The following UNC13C variants were observed in gnomAD, a reference collection of about 807,000 sequenced individuals.
UNC13C encodes the protein unc-13 homolog C.
A neutral mutation model predicts 245.4 loss-of-function variants in UNC13C; 174 were observed. The ratio of observed to expected loss-of-function variants is 0.71; its 90% CI spans 0.63 to 0.80. The LOEUF (loss-of-function observed/expected upper bound fraction) is 0.80, where lower values mean the gene tolerates loss of function less well. Ranked by LOEUF, UNC13C falls within the 30% of genes least tolerant of loss-of-function variation. UNC13C has a pLI of 0.00. For missense variants in UNC13C, 2,829 were observed against 2,602.9 expected, an observed-to-expected ratio of 1.09 and a Z score of -1.89; for synonymous variants, 992 against 895.1, an observed-to-expected ratio of 1.11 and a Z score of -1.93.
Position 54,139,205 on chromosome 15 carries a change from G to T in UNC13C, c.2984-3813G>T, listed in dbSNP as rs920426030. ...AGACTCCTGACCTCATGATCTGCCC[G>T]CCTCAGCCTCCCAAAGTCCTGGGAT... On this transcript the variant is annotated intron_variant, in intron 2 of 32. Transcript: ENST00000260323. 1.1e-4 allele frequency among the ~76,000 whole-genome samples: 16 copies of T among 151,626 alleles called. No homozygotes were observed. In the East Asian group the frequency reaches 3.1e-3, roughly 30 times the overall value.
chr15:54,000,990 C>T (rs1328185683), intron 1 of UNC13C, among the ~76,000 whole-genome samples: 4 of 152,090 alleles, frequency 2.6e-5, no homozygotes, highest in South Asian at 2.1e-4. Context: ...CTTACTCTTT[C>T]GTAATGTGTG....
chr15:54,257,870 G>C (rs994366931), intron 8 of UNC13C, among the ~76,000 whole-genome samples: 1 of 152,138 alleles, frequency 6.6e-6, no homozygotes, highest in Non-Finnish European at 1.5e-5. Context: ...TATTATCTTG[G>C]ATATAAAACA....
chr15:54,022,663 T>C (rs1392523736), intron 2 of UNC13C, among the ~76,000 whole-genome samples: 1 of 152,246 alleles, frequency 6.6e-6, no homozygotes, highest in Non-Finnish European at 1.5e-5. Flanking sequence ...TTATCAAATA[T>C]ATGGTTTGCA....
chr15:54,540,981 A>G (rs894195886), intron 26 of UNC13C, among the ~76,000 whole-genome samples: 4 of 152,060 alleles, frequency 2.6e-5, no homozygotes, highest in Admixed American at 2.0e-4. Flanking sequence ...TTATTCTGCC[A>G]TGACACATCT....
intron 13 of UNC13C, among the ~76,000 whole-genome samples, chr15:54,306,395 A>G (rs1358599837): frequency 1.3e-5 from 2 of 152,016 alleles, no homozygotes; most frequent in East Asian, 3.9e-4. Flanking sequence ...GATAGTAAGA[A>G]TGATAGGCTG....
At chr15:53,990,589 C>A (rs1475081752) in intron 1 of UNC13C, among the ~76,000 whole-genome samples, 1 of 151,930 alleles carries the variant, frequency 6.6e-6, no homozygotes, top group East Asian at 1.9e-4. Flanking sequence ...ATCTCAAACC[C>A]CCTTCCAAAA....
At chr15:54,512,039 C>T (rs908657741) in intron 24 of UNC13C, among the ~76,000 whole-genome samples, 14 of 152,212 alleles carry the variant, frequency 9.2e-5, no homozygotes, top group Admixed American at 2.0e-4. Flanking sequence ...GAATGGGAGG[C>T]AGAAGATAGT....
chr15:54,101,524 C>T (rs1187852882), intron 2 of UNC13C, among the ~76,000 whole-genome samples: 2 of 152,062 alleles, frequency 1.3e-5, no homozygotes, highest in Non-Finnish European at 2.9e-5. Flanking sequence ...AGTGGAGTTA[C>T]TTCAGGTCAA....
chr15:54,077,854 T>C (rs1898721975), intron 2 of UNC13C, among the ~76,000 whole-genome samples: 1 of 152,222 alleles, frequency 6.6e-6, no homozygotes, highest in Admixed American at 6.5e-5. Context: ...TAGGGGGTAC[T>C]TGTGCAGATT....
At chr15:54,079,111 A>T (rs1391005530) in intron 2 of UNC13C, among the ~76,000 whole-genome samples, 1 of 152,016 alleles carries the variant, frequency 6.6e-6, no homozygotes, top group Non-Finnish European at 1.5e-5. Context: ...GTAGAAGATC[A>T]GTTGGTTATA....
intron 24 of UNC13C, among the ~76,000 whole-genome samples, chr15:54,518,899 C>T (rs1459292067): frequency 6.6e-6 from 1 of 152,168 alleles, no homozygotes; most frequent in Non-Finnish European, 1.5e-5. Context: ...TATCCCTACC[C>T]AGTCCATTTT....
chr15:54,198,774 C>T (rs758919019), intron 4 of UNC13C, among the ~76,000 whole-genome samples: 8 of 152,046 alleles, frequency 5.3e-5, no homozygotes, highest in Non-Finnish European at 8.8e-5. Flanking sequence ...ACTGGAAAAA[C>T]AAGTGTGGTA....
intron 19 of UNC13C, among the ~76,000 whole-genome samples, chr15:54,464,134 C>A (rs1343193363): frequency 2.0e-5 from 3 of 152,140 alleles, no homozygotes; most frequent in Admixed American, 6.5e-5. Flanking sequence ...CATATCTTGC[C>A]AACACTAGGT....
At chr15:54,305,148 T>C (rs1357696464) in intron 13 of UNC13C, among the ~76,000 whole-genome samples, 3 of 152,070 alleles carry the variant, frequency 2.0e-5, no homozygotes, top group Non-Finnish European at 4.4e-5. Context: ...ATATTTGCAA[T>C]TGAGGGAATC....
At chr15:54,503,202 A>G (rs1276122832) in intron 22 of UNC13C, among the ~76,000 whole-genome samples, 1 of 152,180 alleles carries the variant, frequency 6.6e-6, no homozygotes, top group Non-Finnish European at 1.5e-5. Flanking sequence ...TCAGCAGGAT[A>G]TAGTGTAAGA....
intron 5 of UNC13C, 41 bp downstream of exon 5, chr15:54,235,149 G>C: frequency 6.4e-7 from 1 of 1,567,822 alleles, no homozygotes; most frequent in Non-Finnish European, 8.8e-7. Context: ...TGCATGTGTG[G>C]TTTTTTTCCT....
intron 4 of UNC13C, among the ~76,000 whole-genome samples, chr15:54,177,909 AT>A (rs1412783857): frequency 2.6e-5 from 4 of 151,118 alleles, no homozygotes; most frequent in African/African-American, 9.7e-5. Context: ...ATTTTTTCTC[AT>A]TTTTTTCTCT....
At chr15:54,304,936 A>T (rs574260134) in intron 13 of UNC13C, among the ~76,000 whole-genome samples, 2 of 152,186 alleles carry the variant, frequency 1.3e-5, no homozygotes, top group South Asian at 2.1e-4. Flanking sequence ...TTATACAAAA[A>T]TATACGTGTA....
chr15:54,390,972 C>T (rs554717494), intron 17 of UNC13C, among the ~76,000 whole-genome samples: 11 of 152,034 alleles, frequency 7.2e-5, no homozygotes, highest in East Asian at 1.9e-4. Flanking sequence ...ATGCAACAAA[C>T]GTTATATGAT....
Sources: gnomAD v4.1 joint callset for allele counts (sites outside exome capture counted in the v4.1 genomes callset) on GRCh38, gnomAD v4.1.1 for gene constraint, MANE v1.5 for transcripts, NCBI Gene and HGNC (gene_info 2026-07-23, HGNC 2026-07-21) for gene names.